Variants in SGCZ observed in about 807,000 individuals in gnomAD.
SGCZ encodes the protein zeta-sarcoglycan.
SGCZ carries 40 observed loss-of-function variants against 41.3 expected under a neutral mutation model. That is an observed-to-expected ratio of 0.97 (90% CI 0.75 to 1.26). The LOEUF (loss-of-function observed/expected upper bound fraction) is 1.26. SGCZ is among the 50% of genes most tolerant of loss of function. The probability of loss-of-function intolerance (pLI) is 0.00; values close to 1 mark genes in which losing one functional copy is unlikely to be tolerated. For missense variants in SGCZ, 552 were observed against 369.8 expected, an observed-to-expected ratio of 1.49 and a Z score of -4.04; for synonymous variants, 206 against 137.5, an observed-to-expected ratio of 1.50 and a Z score of -3.49.
intron 3 of SGCZ, among the ~76,000 whole-genome samples, chr8:14,268,741 A>T (rs903633935): frequency 8.6e-5 from 13 of 151,934 alleles, no homozygotes; most frequent in Non-Finnish European, 1.9e-4. Context: ...TTAATATTAT[A>T]TGTACATTTG....
intron 1 of SGCZ, among the ~76,000 whole-genome samples, chr8:14,708,082 TC>T (rs1014979910): frequency 6.6e-6 from 1 of 152,076 alleles, no homozygotes; most frequent in African/African-American, 2.4e-5. Context: ...CAATGTTTTT[TC>T]TACCATAATT....
chr8:14,117,053 G>A (rs111968314), intron 5 of SGCZ, among the ~76,000 whole-genome samples: 2 of 152,150 alleles, frequency 1.3e-5, no homozygotes, highest in African/African-American at 2.4e-5. Context: ...GTGTTTTAAA[G>A]GTTGCCATAA....
chr8:14,128,575 A>G (rs10888084), intron 5 of SGCZ, among the ~76,000 whole-genome samples: 99,025 of 152,040 alleles, frequency 0.65, 35,514 homozygotes, highest in East Asian at 0.95. Context: ...AAAGTAAATC[A>G]TTTTATCAAA....
chr8:14,111,939 G>T (rs1321990083), intron 5 of SGCZ, among the ~76,000 whole-genome samples: 4 of 152,066 alleles, frequency 2.6e-5, no homozygotes, highest in Non-Finnish European at 5.9e-5. Flanking sequence ...TTAAATGTAA[G>T]CACCTCTTCT....
intron 2 of SGCZ, among the ~76,000 whole-genome samples, chr8:14,397,431 C>T (rs559492784): frequency 7.1e-6 from 1 of 140,672 alleles, no homozygotes; most frequent in Non-Finnish European, 1.5e-5. Context: ...GGCATAATTT[C>T]TTTTTTTCTA....
At chr8:15,136,838 C>T (rs1475286599) in intron 1 of SGCZ, among the ~76,000 whole-genome samples, 1 of 152,056 alleles carries the variant, frequency 6.6e-6, no homozygotes, top group Non-Finnish European at 1.5e-5. Context: ...ACGCAATAAT[C>T]CAGTAAATTG....
At chr8:14,619,019 C>G (rs1308702565) in intron 1 of SGCZ, among the ~76,000 whole-genome samples, 4 of 152,140 alleles carry the variant, frequency 2.6e-5, no homozygotes, top group Non-Finnish European at 4.4e-5. Flanking sequence ...ACCTGGAGAT[C>G]AACAGGGCAA....
chr8:15,226,243 C>T (rs1801769166), intron 1 of SGCZ, among the ~76,000 whole-genome samples: 1 of 152,102 alleles, frequency 6.6e-6, no homozygotes, highest in Non-Finnish European at 1.5e-5. Flanking sequence ...TTTGGGCCAC[C>T]TCACAGGGAC....
At chr8:14,387,457 TA>T in intron 2 of SGCZ, among the ~76,000 whole-genome samples, 1 of 152,352 alleles carries the variant, frequency 6.6e-6, no homozygotes, top group African/African-American at 2.4e-5. Context: ...AATATTACTA[TA>T]TTCAGAATCA....
intron 1 of SGCZ, among the ~76,000 whole-genome samples, chr8:14,885,089 A>T (rs1437239276): frequency 6.6e-6 from 1 of 152,218 alleles, no homozygotes; most frequent in East Asian, 1.9e-4. Context: ...TTGCCAAATC[A>T]GTCACTGAAA....
At chr8:15,036,412 G>T (rs1184831140) in intron 1 of SGCZ, among the ~76,000 whole-genome samples, 1 of 152,054 alleles carries the variant, frequency 6.6e-6, no homozygotes, top group African/African-American at 2.4e-5. Flanking sequence ...GGAGGGTATA[G>T]AGTTGGAGGA....
intron 5 of SGCZ, among the ~76,000 whole-genome samples, chr8:14,140,374 C>A (rs1803332173): frequency 6.6e-6 from 1 of 152,098 alleles, no homozygotes; most frequent in African/African-American, 2.4e-5. Flanking sequence ...AAGAGGAAGT[C>A]AAACTGTCCC....
intron 1 of SGCZ, among the ~76,000 whole-genome samples, chr8:14,574,288 G>A (rs1804644443): frequency 6.6e-6 from 1 of 151,898 alleles, no homozygotes; most frequent in Non-Finnish European, 1.5e-5. Context: ...CCCTCAATCT[G>A]CCACCCTTAT....
intron 5 of SGCZ, among the ~76,000 whole-genome samples, chr8:14,111,726 G>A (rs1252009893): frequency 2.0e-5 from 3 of 152,132 alleles, no homozygotes; most frequent in Non-Finnish European, 4.4e-5. Flanking sequence ...TCCAAAAGTA[G>A]TAGAAACCAT....
intron 5 of SGCZ, among the ~76,000 whole-genome samples, chr8:14,163,001 G>C (rs1002776872): frequency 6.6e-6 from 1 of 152,138 alleles, no homozygotes; most frequent in Non-Finnish European, 1.5e-5. Context: ...CTCCTGAGTA[G>C]CTGGGACTAT....
chr8:14,701,079 C>A (rs534488618), intron 1 of SGCZ, among the ~76,000 whole-genome samples: 23 of 151,776 alleles, frequency 1.5e-4, no homozygotes, highest in African/African-American at 5.1e-4. Context: ...TGGAGTGTTG[C>A]GGAAGGATAA....
chr8:15,074,547 G>A (rs545367050), intron 1 of SGCZ, among the ~76,000 whole-genome samples: 1 of 152,008 alleles, frequency 6.6e-6, no homozygotes, highest in Non-Finnish European at 1.5e-5. Context: ...TGTATACGGG[G>A]TACATTCTAA....
chr8:14,283,377 T>C (rs1275579445), intron 3 of SGCZ, among the ~76,000 whole-genome samples: 3 of 152,200 alleles, frequency 2.0e-5, no homozygotes, highest in African/African-American at 7.2e-5. Flanking sequence ...ACACGTCCTC[T>C]GTAAGAGAAT....
At chr8:14,605,893 A>G (rs1437916838) in intron 1 of SGCZ, among the ~76,000 whole-genome samples, 1 of 152,168 alleles carries the variant, frequency 6.6e-6, no homozygotes, top group African/African-American at 2.4e-5. Flanking sequence ...GAAAAGATGA[A>G]GTATCTGTTG....
Sources: allele counts gnomAD v4.1 joint callset (sites outside exome capture counted in the v4.1 genomes callset), GRCh38; gene constraint gnomAD v4.1.1; transcripts MANE v1.5; gene names NCBI Gene and HGNC (gene_info 2026-07-23, HGNC 2026-07-21).